Variants in AGR2 observed in about 807,000 individuals in gnomAD.
AGR2 encodes the protein anterior gradient protein 2 homolog.
Under a neutral mutation model 25.9 loss-of-function variants are expected in AGR2, and 27 were observed. That is an observed-to-expected ratio of 1.04 (90% confidence interval 0.77 to 1.44). The LOEUF is 1.44. AGR2 is among the 40% of genes most tolerant of loss of function. AGR2 has a pLI of 0.00. For synonymous variants in AGR2, 78 were observed against 72.0 expected (o/e 1.08, Z -0.42); for missense variants, 182 against 200.9 (o/e 0.91, Z 0.57).
chr7:16,803,514 A>AT (rs796913552), intron 1 of AGR2, among the ~76,000 whole-genome samples: 29 of 151,890 alleles, frequency 1.9e-4, no homozygotes, highest in East Asian at 3.9e-4. Flanking sequence ...GCATTAGCTG[A>AT]TTTTTTTTTA....
chr7:16,801,908 T>TTTTTTTCAA (rs1785153145), intron 1 of AGR2, 105 bp from the exon 2 acceptor site: 1 of 914,600 alleles, frequency 1.1e-6, no homozygotes. Flanking sequence ...ACTGAGGCTC[T>TTTTTTTCAA]GCTGAGACTG....
chr7:16,796,868 G>C (rs1289557940), intron 6 of AGR2, among the ~76,000 whole-genome samples: 1 of 152,086 alleles, frequency 6.6e-6, no homozygotes, highest in African/African-American at 2.4e-5. Context: ...CATATGAAAA[G>C]TACCAGTGGC....
At chr7:16,802,810 C>T (rs967293619) in intron 1 of AGR2, among the ~76,000 whole-genome samples, 4 of 151,868 alleles carry the variant, frequency 2.6e-5, no homozygotes, top group Admixed American at 1.3e-4. Context: ...AATAGATATA[C>T]ATACTCTAGT....
At chr7:16,797,208 G>A (rs995212704) in intron 6 of AGR2, among the ~76,000 whole-genome samples, 6 of 152,116 alleles carry the variant, frequency 3.9e-5, no homozygotes, top group African/African-American at 7.2e-5. Flanking sequence ...GATTACAGGC[G>A]TGAGCCACCC....
intron 4 of AGR2, 79 bp downstream of exon 4, chr7:16,801,072 A>G (rs1785133290): frequency 4.4e-6 from 5 of 1,133,230 alleles, no homozygotes; most frequent in Admixed American, 4.5e-5. Context: ...GGTTCTAAAG[A>G]TACAAACATG....
chr7:16,802,795 G>A (rs73073559), intron 1 of AGR2, among the ~76,000 whole-genome samples: 24,756 of 151,924 alleles, frequency 0.16, 2,282 homozygotes, highest in South Asian at 0.28. Flanking sequence ...GATATATTTT[G>A]AGAAAATAGA....
At chr7:16,795,496 A>T (rs28475089) in intron 6 of AGR2, among the ~76,000 whole-genome samples, 14,460 of 152,180 alleles carry the variant, frequency 0.095, 762 homozygotes, top group East Asian at 0.17. Flanking sequence ...CCTTAACAAC[A>T]GCAAAGTTCA....
At chr7:16,796,521 T>C (rs1785047922) in intron 6 of AGR2, among the ~76,000 whole-genome samples, 1 of 152,236 alleles carries the variant, frequency 6.6e-6, no homozygotes, top group African/African-American at 2.4e-5. Context: ...TTGTAAGTGA[T>C]GGATTTCATT....
rs193052704 is a variant in AGR2 at position 16,797,802 on chromosome 7, A to T, written c.331-108T>A. The stretch of plus-strand genomic sequence containing the variant: ...TTCCGGCCAGGCATCTCAAGATATC[A>T]TAACTCTTCCACACAGAGTTTATTG... On this transcript the variant is annotated intron_variant, in intron 5 of 7. Coordinates refer to ENST00000419304, the MANE Select transcript of AGR2 (RefSeq NM_006408.4). 8 of 799,364 alleles carry T rather than the reference A, an allele frequency of 1.0e-5. No homozygotes were observed. In the East Asian group the frequency reaches 2.1e-4, roughly 21 times the overall value. The allele number at this position is 799,364 out of a possible 1,614,324, so 49.5% of individuals were successfully genotyped here.
At chr7:16,800,522 T>C (rs1785124539) in intron 4 of AGR2, among the ~76,000 whole-genome samples, 3 of 152,232 alleles carry the variant, frequency 2.0e-5, no homozygotes, top group African/African-American at 4.8e-5. Context: ...AGTTCTGTGA[T>C]AAGAAGCCAC....
intron 6 of AGR2, among the ~76,000 whole-genome samples, chr7:16,795,415 A>C (rs1275730452): frequency 6.6e-6 from 1 of 151,746 alleles, no homozygotes; most frequent in Non-Finnish European, 1.5e-5. Flanking sequence ...TTTCTAGATC[A>C]TTGGAAACCC....
chr7:16,797,528 G>GTCCCTTGCC, intron 6 of AGR2, 103 bp downstream of exon 6: 3 of 878,664 alleles, frequency 3.4e-6, no homozygotes, highest in Non-Finnish European at 5.5e-6. Context: ...GCTTAGTGAT[G>GTCCCTTGCC]ACATTGGCCA....
intron 7 of AGR2, among the ~76,000 whole-genome samples, 181 bp from the exon 8 acceptor site, chr7:16,793,138 T>C (rs1784990171): frequency 6.6e-6 from 1 of 152,156 alleles, no homozygotes; most frequent in Admixed American, 6.5e-5. Flanking sequence ...AACCTCTGCC[T>C]CCTGGGTTCA....
At chr7:16,795,889 A>G (rs1052594422) in intron 6 of AGR2, among the ~76,000 whole-genome samples, 3 of 152,266 alleles carry the variant, frequency 2.0e-5, no homozygotes, top group African/African-American at 7.2e-5. Flanking sequence ...AAGGCCAGAC[A>G]CATAAATTAC....
chr7:16,798,202 A>G (rs962026533), intron 5 of AGR2, among the ~76,000 whole-genome samples: 4 of 152,258 alleles, frequency 2.6e-5, no homozygotes, highest in Admixed American at 2.0e-4. Flanking sequence ...GGTGTAGGAT[A>G]TGCAGGTTTG....
At chr7:16,800,437 G>A (rs372560086) in intron 4 of AGR2, among the ~76,000 whole-genome samples, 4 of 152,306 alleles carry the variant, frequency 2.6e-5, no homozygotes, top group South Asian at 4.1e-4. Flanking sequence ...AGCAAGAGGA[G>A]AGTGGTAGGA....
At chr7:16,796,038 C>T (rs1785039809) in intron 6 of AGR2, among the ~76,000 whole-genome samples, 1 of 152,212 alleles carries the variant, frequency 6.6e-6, no homozygotes. Flanking sequence ...TAGCAGCTCA[C>T]CTGGCTGCAC....
intron 6 of AGR2, among the ~76,000 whole-genome samples, chr7:16,796,603 A>C (rs567942181): frequency 1.3e-5 from 2 of 152,348 alleles, no homozygotes; most frequent in Admixed American, 6.5e-5. Context: ...AATTAAACAC[A>C]TATTGATGGA....
intron 3 of AGR2, 37 bp from the exon 4 acceptor site, chr7:16,801,240 A>G: frequency 6.2e-7 from 1 of 1,610,462 alleles, no homozygotes; most frequent in Non-Finnish European, 8.5e-7. Flanking sequence ...TTTAATGAGT[A>G]AGATTTCACA....
Sources: allele counts gnomAD v4.1 joint callset (sites outside exome capture counted in the v4.1 genomes callset), GRCh38; gene constraint gnomAD v4.1.1; transcripts MANE v1.5; gene names NCBI Gene and HGNC (gene_info 2026-07-23, HGNC 2026-07-21).